The following BRD9 variants were observed in gnomAD, a reference collection of about 807,000 sequenced individuals.
BRD9 encodes bromodomain containing 9, also known as bromodomain-containing protein 9.
A neutral mutation model predicts 68.7 loss-of-function variants in BRD9; 47 were observed. The observed-to-expected ratio is 0.68, with a 90% confidence interval of 0.54 to 0.87. BRD9 has a LOEUF of 0.87. BRD9 is among the 40% of genes least tolerant of loss of function. BRD9 has a pLI of 0.00. For synonymous variants in BRD9, 313 were observed against 293.9 expected (o/e 1.06, Z -0.67); for missense variants, 670 against 748.4 (o/e 0.90, Z 1.22).
intron 7 of BRD9, among the ~76,000 whole-genome samples, chr5:884,473 G>A (rs906932170): frequency 6.6e-6 from 1 of 152,232 alleles, no homozygotes; most frequent in African/African-American, 2.4e-5. Context: ...GGGGCTGCTC[G>A]GGTGTGGTCT....
Position 865,403 on chromosome 5 carries a change from G to T in BRD9, c.1693+11C>A. ...GTCTCTGGGGATGCGGCGTGGGTGG[G>T]GGCATCTCACCCAGGTGGTGCTGGT... On this transcript the variant is annotated intron_variant, in intron 15 of 15. Coordinates refer to ENST00000467963, the MANE Select transcript of BRD9 (RefSeq NM_023924.5). 3 of 1,563,342 alleles carry T rather than the reference G, an allele frequency of 1.9e-6. No homozygotes were observed. The highest frequency in any genetic ancestry group is 2.6e-6 in the Non-Finnish European group (3 of 1,150,532).
At chr5:870,701 C>G in intron 13 of BRD9, 126 bp from the exon 14 acceptor site, 1 of 671,040 alleles carries the variant, frequency 1.5e-6, no homozygotes, top group East Asian at 2.8e-5. Context: ...CAGTAAGTGA[C>G]AAGACCAAGC....
chr5:872,668 C>T (rs1306534533), intron 12 of BRD9, among the ~76,000 whole-genome samples: 1 of 152,204 alleles, frequency 6.6e-6, no homozygotes, highest in East Asian at 1.9e-4. Context: ...TCCCGCCTGG[C>T]TGCAACCCTC....
At chr5:885,151 A>G (rs915343335) in intron 7 of BRD9, among the ~76,000 whole-genome samples, 1 of 152,268 alleles carries the variant, frequency 6.6e-6, no homozygotes, top group African/African-American at 2.4e-5. Flanking sequence ...GAAGGCCAGC[A>G]GCACACTCGA....
intron 14 of BRD9, among the ~76,000 whole-genome samples, chr5:867,915 T>C (rs1749590476): frequency 6.6e-6 from 1 of 152,184 alleles, no homozygotes; most frequent in Non-Finnish European, 1.5e-5. Flanking sequence ...TTTTGAAATG[T>C]GAAAAGGACA....
chr5:872,805 C>T (rs1750342671), intron 12 of BRD9, among the ~76,000 whole-genome samples: 2 of 152,196 alleles, frequency 1.3e-5, no homozygotes, highest in South Asian at 4.1e-4. Context: ...AAGAAGGTAA[C>T]AGTATCCTAA....
chr5:884,938 A>G (rs1752328631), intron 7 of BRD9, among the ~76,000 whole-genome samples: 1 of 152,244 alleles, frequency 6.6e-6, no homozygotes, highest in Non-Finnish European at 1.5e-5. Flanking sequence ...GCAGACTGAC[A>G]GCTGGGGATC....
At chr5:891,579 G>T in intron 2 of BRD9, 61 bp downstream of exon 2, 6 of 1,529,256 alleles carry the variant, frequency 3.9e-6, no homozygotes, top group Non-Finnish European at 5.3e-6. Flanking sequence ...TGGGTCCTGG[G>T]ACCAGGCTCC....
intron 1 of BRD9, chr5:892,172 C>G (rs1014030691): frequency 4.6e-6 from 2 of 436,594 alleles, no homozygotes; most frequent in Non-Finnish European, 4.1e-6. Flanking sequence ...CGATCTCCCT[C>G]CTAGAAACCC....
intron 12 of BRD9, among the ~76,000 whole-genome samples, chr5:873,222 T>C (rs56216289): frequency 0.038 from 5,722 of 151,912 alleles, 338 homozygotes; most frequent in African/African-American, 0.13. Context: ...TATCCCTGAG[T>C]TGTCTTTCAG....
chr5:883,687 G>C, intron 8 of BRD9: 1 of 564,922 alleles, frequency 1.8e-6, no homozygotes, highest in Non-Finnish European at 3.2e-6. Context: ...CCTCCATCAA[G>C]GAAATGAGGT....
chr5:886,628 G>A lies in BRD9; in HGVS notation c.797C>T (p.Ala266Val). Residue 266 changes from alanine to valine, a missense_variant, in exon 7 of 16, where the codon GCC becomes GTC. By Grantham distance (64) the Ala-to-Val change is moderately conservative. This residue lies in a region of BRD9 where 135 missense variants were observed against 141.2 expected (regional missense o/e 0.96). Coordinates refer to ENST00000467963, the MANE Select transcript of BRD9 (RefSeq NM_023924.5). The stretch of plus-strand genomic sequence containing the variant: ...TCTACTCGGCTTTTTGGATTTCTTG[G>A]CAGTTTCTACTTGTACTGGTACAAC... Reference protein sequence around the residue: ...PEVVPVQVETAKKSKKPSREV... With the variant: ...PEVVPVQVETVKKSKKPSREV... 6.2e-7 allele frequency: 1 copy of A among 1,613,868 alleles called. No individual in the cohort carries two copies. Among genetic ancestry groups the A allele is most frequent in the Non-Finnish European group, 8.5e-7 (1 of 1,179,952 alleles).
rs1029411462 is a variant in BRD9 at position 865,332 on chromosome 5, A to G, written c.1693+82T>C. 17 of 1,457,994 alleles carry G rather than the reference A, an allele frequency of 1.2e-5. No individual in the cohort carries two copies. In the African/African-American group the frequency reaches 1.3e-4, roughly 11 times the overall value. The allele number at this position is 1,457,994 out of a possible 1,614,324, so 90.3% of individuals were successfully genotyped here. ...CAGCCTCCAGCCTTCCCACAACTACAATGCTGCCCACTACCTCGTCTAGAC... is the reference window on the plus strand; with the variant it reads ...CAGCCTCCAGCCTTCCCACAACTACGATGCTGCCCACTACCTCGTCTAGAC... On this transcript the variant is annotated intron_variant, in intron 15 of 15. Coordinates refer to ENST00000467963, the MANE Select transcript of BRD9 (RefSeq NM_023924.5).
intron 8 of BRD9, 179 bp from the exon 9 acceptor site, chr5:881,361 G>A (rs879045963): frequency 1.4e-5 from 9 of 637,028 alleles, no homozygotes; most frequent in East Asian, 5.5e-5. Context: ...AGCAGAGCGC[G>A]CACAGGTGCC....
chr5:890,914 T>C (rs1170381298), intron 3 of BRD9, among the ~76,000 whole-genome samples: 7 of 152,194 alleles, frequency 4.6e-5, no homozygotes, highest in African/African-American at 9.7e-5. Flanking sequence ...TAAGCCATCC[T>C]TAGCTAACAA....
Position 878,409 on chromosome 5 carries a change from A to G in BRD9, c.1217T>C (p.Met406Thr). 6.2e-7 allele frequency: 1 copy of G among 1,614,264 alleles called. No homozygotes were observed. Among genetic ancestry groups the G allele is most frequent in the Non-Finnish European group, 8.5e-7 (1 of 1,180,046 alleles). ...SVFGDLKSDEMELLYSAYGDE... is the reference protein window; with the variant it reads ...SVFGDLKSDETELLYSAYGDE... ...TCCGTAGGCTGAGTAGAGCAGCTCCATCTCGTCCGACTTCAAGTCGCCAAA... is the reference window on the plus strand; with the variant it reads ...TCCGTAGGCTGAGTAGAGCAGCTCCGTCTCGTCCGACTTCAAGTCGCCAAA... The change falls in exon 11 of 16, where the codon ATG (methionine) becomes ACG (threonine). Residue 406 changes from methionine to threonine, a missense_variant. By Grantham distance (81) the Met-to-Thr change is moderately conservative (BLOSUM62 -1). Coordinates refer to ENST00000467963, the MANE Select transcript of BRD9 (RefSeq NM_023924.5).
At position 865,448 on chromosome 5, in the gene BRD9, C is replaced by A; in HGVS notation, c.1659G>T (p.Leu553=). 1 of 1,594,374 alleles carries A rather than the reference C, an allele frequency of 6.3e-7. No individual in the cohort carries two copies. Among genetic ancestry groups the A allele is most frequent in the Admixed American group, 1.7e-5 (1 of 59,268 alleles). ...GCTGGTCCCTCTCGGAGGCGTTGGA[C>A]AGGGAGCTGAGGTTGGACGACGGCC... ...GSRPSSNLSS[L]SNASERDQHH... Residue 553 remains leucine (L), a synonymous_variant, in exon 15 of 16, where the codon CTG becomes CTT. Coordinates refer to ENST00000467963, the MANE Select transcript of BRD9 (RefSeq NM_023924.5).
In BRD9 at chr5:864,545, C is replaced by T. The variant is rs753953007; in HGVS notation, c.1717G>A (p.Gly573Arg). The stretch of plus-strand genomic sequence containing the variant: ...TCGTGGGTGACGTCTGGCTGCTCCC[C>T]GACACTCAGGCGAGAAGGGCTTCCT... ...HLGSPSRLSV[G>R]EQPDVTHDPY... The change falls in exon 16 of 16, where the codon GGG becomes AGG. Residue 573 changes from glycine (G) to arginine (R), a missense_variant. Physicochemically the swap from Gly to Arg is moderately radical, Grantham distance 125. This residue lies in a region of BRD9 where 280 missense variants were observed against 281.5 expected (regional missense o/e 0.99). Coordinates refer to ENST00000467963, the MANE Select transcript of BRD9 (RefSeq NM_023924.5). 1.5e-5 allele frequency: 24 copies of T among 1,613,732 alleles called. No homozygotes were observed. Among genetic ancestry groups the T allele is most frequent in the East Asian group, 2.2e-5 (1 of 44,892 alleles).
At chr5:889,743 C>A (rs375385603) in intron 3 of BRD9, 96 bp from the exon 4 acceptor site, 1 of 1,572,442 alleles carries the variant, frequency 6.4e-7, no homozygotes. Context: ...TGGTGTCTCA[C>A]AGCATTTTAA....
Sources: allele counts gnomAD v4.1 joint callset (sites outside exome capture counted in the v4.1 genomes callset), GRCh38; gene constraint gnomAD v4.1.1; regional missense constraint gnomAD v4.1.1; transcripts MANE v1.5; gene names NCBI Gene and HGNC (gene_info 2026-07-23, HGNC 2026-07-21).